ATF7: variants seen among roughly 807,000 people sequenced by gnomAD.
ATF7 encodes activating transcription factor 7.
In ATF7, 10 loss-of-function variants were observed where a neutral mutation model predicts 50.4. The observed-to-expected ratio is 0.20, with a 90% CI of 0.12 to 0.34. ATF7 has a LOEUF of 0.34. Ranked by LOEUF, ATF7 falls within the 10% of genes least tolerant of loss-of-function variation. ATF7 has a pLI of 1.00. For synonymous variants in ATF7, 201 were observed against 226.4 expected (o/e 0.89, Z 1.01); for missense variants, 465 against 613.9 (o/e 0.76, Z 2.56).
chr12:53,554,418 A>G (rs926814650), intron 2 of ATF7, among the ~76,000 whole-genome samples: 6 of 151,736 alleles, frequency 4.0e-5, no homozygotes, highest in African/African-American at 1.5e-4. Flanking sequence ...GGCATGAGCC[A>G]CCATGCCCAG....
rs397938442 is a variant in ATF7 at position 53,535,328 on chromosome 12, C to CAAAAAAAAAAAAAA, written c.403-683_403-670dup. Reference sequence around the variant, plus strand: ...CTGGCGACAGAGCGAGACTCTGCCTCAAAAAAAAAAAAAAAAAGAAAAGGG... The same window carrying CAAAAAAAAAAAAAA: ...CTGGCGACAGAGCGAGACTCTGCCTCAAAAAAAAAAAAAAAAAAAAAAAAAAAAAAAGAAAAGGG... On this transcript the variant is annotated intron_variant, in intron 5 of 11. Transcript: ENST00000420353. Among the ~76,000 whole-genome samples, 292 of 64,850 alleles carry CAAAAAAAAAAAAAA rather than the reference C, an allele frequency of 4.5e-3. 9 individuals are homozygous for CAAAAAAAAAAAAAA. Among genetic ancestry groups the CAAAAAAAAAAAAAA allele is most frequent in the African/African-American group, 0.015 (263 of 17,852 alleles). 42.5% of individuals were successfully genotyped at this position (64,850 alleles called of 152,430 possible). A position where few individuals can be genotyped will look rare whatever the true frequency, so the allele number is the denominator to read the frequency against.
chr12:53,617,814 T>C (rs1944205005), intron 1 of ATF7, among the ~76,000 whole-genome samples: 1 of 151,408 alleles, frequency 6.6e-6, no homozygotes, highest in Admixed American at 6.6e-5. Context: ...GAGGAAGTGA[T>C]ATAGCAAATA....
chr12:53,511,775 C>T (rs537863043), downstream of ATF7, among the ~76,000 whole-genome samples: 1 of 152,226 alleles, frequency 6.6e-6, no homozygotes, highest in Non-Finnish European at 1.5e-5. Flanking sequence ...TACTAAGTTT[C>T]CTGTGAGTAC....
At chr12:53,590,961 A>C (rs1484856503) in intron 2 of ATF7, among the ~76,000 whole-genome samples, 2 of 152,208 alleles carry the variant, frequency 1.3e-5, no homozygotes, top group African/African-American at 2.4e-5. Context: ...ACATATTATT[A>C]TACATTTGCG....
chr12:53,568,705 C>T (rs1406443563), intron 2 of ATF7, among the ~76,000 whole-genome samples: 1 of 152,144 alleles, frequency 6.6e-6, no homozygotes, highest in African/African-American at 2.4e-5. Context: ...TTGTGTCTAA[C>T]CAGGAAAGCT....
Position 53,533,179 on chromosome 12 carries a change from T to G in ATF7, c.641A>C (p.Gln214Pro). 1 of 1,613,544 alleles carries G rather than the reference T, an allele frequency of 6.2e-7. No homozygotes were observed. Among genetic ancestry groups the G allele is most frequent in the Non-Finnish European group, 8.5e-7 (1 of 1,179,532 alleles). ...TMPVLPGPPVQMPSVISLARP... is the reference protein window; with the variant it reads ...TMPVLPGPPVPMPSVISLARP... Reference sequence around the variant, plus strand: ...GCTCACCGATATAACAGACGGCATCTGTACTGGAGGCCCTGGCAACACAGG... The same window carrying G: ...GCTCACCGATATAACAGACGGCATCGGTACTGGAGGCCCTGGCAACACAGG... The change falls in exon 7 of 12, where the codon CAG (glutamine) becomes CCG (proline). Residue 214 changes from glutamine (Q) to proline (P), a missense_variant. Gln to Pro is a moderately conservative substitution (Grantham distance 76). Coordinates refer to ENST00000420353, the MANE Select transcript of ATF7 (RefSeq NM_006856.3).
intron 1 of ATF7, among the ~76,000 whole-genome samples, chr12:53,608,130 GA>G (rs1466150615): frequency 6.7e-6 from 1 of 148,264 alleles, no homozygotes; most frequent in Non-Finnish European, 1.5e-5. Flanking sequence ...TGAGGCAGAA[GA>G]ATCACTTGAA....
downstream of ATF7, among the ~76,000 whole-genome samples, chr12:53,510,042 CT>C (rs552667000): frequency 2.4e-3 from 345 of 142,400 alleles, no homozygotes; most frequent in African/African-American, 2.4e-3. Context: ...GTAGTTTTAT[CT>C]TTTTTTTTTT....
chr12:53,557,613 G>A (rs925613965), intron 2 of ATF7, among the ~76,000 whole-genome samples: 1 of 152,158 alleles, frequency 6.6e-6, no homozygotes, highest in Non-Finnish European at 1.5e-5. Flanking sequence ...CCTCACTGTA[G>A]GGTAAATATA....
At chr12:53,542,305 T>A (rs1939616083) in intron 4 of ATF7, among the ~76,000 whole-genome samples, 1 of 151,600 alleles carries the variant, frequency 6.6e-6, no homozygotes, top group Admixed American at 6.6e-5. Flanking sequence ...TGGGCGCCTG[T>A]AGTTCCAGCT....
rs540001802 is a variant in ATF7, at chr12:53,543,121, A to G, written c.264+209T>C. ...AGAACAAGAGGACTAATTTTCGGTG[A>G]CGACAGACTTGTGCTGATCCATCAT... On this transcript the variant is annotated intron_variant, in intron 4 of 11. Coordinates refer to ENST00000420353, the MANE Select transcript of ATF7 (RefSeq NM_006856.3). The G allele has an allele frequency of 1.5e-3, 2,161 of 1,417,464 alleles. 1 individual carries two copies. Among genetic ancestry groups the G allele is most frequent in the Non-Finnish European group, 1.9e-3 (2,089 of 1,091,634 alleles). The allele number at this position is 1,417,464 out of a possible 1,614,324, so 87.8% of individuals were successfully genotyped here.
intron 1 of ATF7, among the ~76,000 whole-genome samples, chr12:53,623,526 T>C (rs1231120917): frequency 6.6e-6 from 1 of 152,240 alleles, no homozygotes; most frequent in African/African-American, 2.4e-5. Flanking sequence ...TTTAGTACTT[T>C]TATTAAGGGA....
chr12:53,542,066 A>G (rs1409858941), intron 4 of ATF7, among the ~76,000 whole-genome samples: 1 of 147,336 alleles, frequency 6.8e-6, no homozygotes, highest in Non-Finnish European at 1.5e-5. Context: ...TTGGCCTCCC[A>G]AAGTGCTGGG....
intron 3 of ATF7, among the ~76,000 whole-genome samples, chr12:53,550,054 G>A (rs750493827): frequency 2.0e-5 from 3 of 152,046 alleles, no homozygotes; most frequent in African/African-American, 4.8e-5. Context: ...CCAGGGGGGC[G>A]GCTCACGCCT....
intron 1 of ATF7, among the ~76,000 whole-genome samples, chr12:53,617,897 A>G (rs1403800712): frequency 1.3e-5 from 2 of 152,072 alleles, no homozygotes; most frequent in African/African-American, 4.8e-5. Flanking sequence ...ACCAAAAAAA[A>G]AAAAAAAGTT....
chr12:53,596,422 C>T (rs56145523), intron 2 of ATF7, among the ~76,000 whole-genome samples: 16,957 of 152,188 alleles, frequency 0.11, 1,334 homozygotes, highest in Non-Finnish European at 0.18. Context: ...AGAGGAAATG[C>T]GTTCCTGTTT....
rs1227399783 is a variant in ATF7, at chr12:53,515,842, T to G, written c.*1295A>C. 1 of 152,284 alleles carries G rather than the reference T, an allele frequency of 6.6e-6. No homozygotes were observed. The highest frequency in any genetic ancestry group is 2.4e-5 in the African/African-American group (1 of 41,422). The allele number at this position is 152,284 out of a possible 1,614,324, so 9.4% of individuals were successfully genotyped here. ...TAAAGAGAAGAGAGAAGAAATGGGTTGAAGAAACTCTGGAGGACCTGGAAG... is the reference window on the plus strand; with the variant it reads ...TAAAGAGAAGAGAGAAGAAATGGGTGGAAGAAACTCTGGAGGACCTGGAAG... On this transcript the variant is annotated 3_prime_UTR_variant, in exon 12 of 12. Coordinates refer to ENST00000420353, the MANE Select transcript of ATF7 (RefSeq NM_006856.3).
At chr12:53,601,186 A>G (rs1010359464) in intron 1 of ATF7, among the ~76,000 whole-genome samples, 165 bp from the exon 2 acceptor site, 2 of 152,252 alleles carry the variant, frequency 1.3e-5, no homozygotes, top group African/African-American at 4.8e-5. Flanking sequence ...GACAGGTGGC[A>G]TATGATCTAC....
intron 2 of ATF7, among the ~76,000 whole-genome samples, chr12:53,576,597 T>C (rs1007080210): frequency 2.0e-5 from 3 of 152,182 alleles, no homozygotes; most frequent in African/African-American, 7.2e-5. Context: ...GATACCATGT[T>C]GGAAGCAGAG....
Sources: allele counts gnomAD v4.1 joint callset (sites outside exome capture counted in the v4.1 genomes callset), GRCh38; gene constraint gnomAD v4.1.1; transcripts MANE v1.5; gene names NCBI Gene and HGNC (gene_info 2026-07-23, HGNC 2026-07-21).